The following NALF1 variants were observed in gnomAD, a reference collection of about 807,000 sequenced individuals.
The protein encoded by NALF1 is NALCN channel auxiliary factor 1.
A neutral mutation model predicts 48.4 loss-of-function variants in NALF1; 3 were observed. The ratio of observed to expected loss-of-function variants is 0.06; its 90% CI spans 0.03 to 0.16. The LOEUF (loss-of-function observed/expected upper bound fraction) is 0.16, where lower values mean the gene tolerates loss of function less well. NALF1 is among the 10% of genes least tolerant of loss of function. The pLI is 1.00. For missense variants in NALF1, 526 were observed against 571.5 expected, an observed-to-expected ratio of 0.92 and a Z score of 0.81; for synonymous variants, 262 against 245.7, an observed-to-expected ratio of 1.07 and a Z score of -0.62.
chr13:107,361,317 T>C (rs1883056809), intron 1 of NALF1, among the ~76,000 whole-genome samples: 6 of 152,178 alleles, frequency 3.9e-5, no homozygotes, highest in Admixed American at 3.9e-4. Context: ...GTCCACCGAA[T>C]GAACAAGAAA....
At chr13:107,768,495 A>C (rs926790478) in intron 1 of NALF1, among the ~76,000 whole-genome samples, 1 of 152,212 alleles carries the variant, frequency 6.6e-6, no homozygotes, top group Non-Finnish European at 1.5e-5. Context: ...ATGTGAACTA[A>C]ATCTTGAGAC....
intron 1 of NALF1, among the ~76,000 whole-genome samples, chr13:107,212,524 GA>G (rs1040073454): frequency 6.6e-6 from 1 of 152,204 alleles, no homozygotes; most frequent in Non-Finnish European, 1.5e-5. Flanking sequence ...GCCTCAGGGG[GA>G]CAGGTGAAGG....
chr13:107,719,975 C>G (rs1875935541), intron 1 of NALF1, among the ~76,000 whole-genome samples: 1 of 152,066 alleles, frequency 6.6e-6, no homozygotes. Context: ...TCTCTCTTTG[C>G]TTGGAATGCC....
At chr13:107,304,273 C>A (rs1280532287) in intron 1 of NALF1, among the ~76,000 whole-genome samples, 1 of 151,982 alleles carries the variant, frequency 6.6e-6, no homozygotes, top group Non-Finnish European at 1.5e-5. Context: ...ACATGTAAGT[C>A]CTGGAAATAA....
At chr13:107,808,847 C>A (rs993239344) in intron 1 of NALF1, among the ~76,000 whole-genome samples, 1 of 152,048 alleles carries the variant, frequency 6.6e-6, no homozygotes, top group African/African-American at 2.4e-5. Flanking sequence ...TTGCAATACA[C>A]ATCCAAATCG....
At chr13:107,715,622 G>A (rs1875791277) in intron 1 of NALF1, among the ~76,000 whole-genome samples, 1 of 152,248 alleles carries the variant, frequency 6.6e-6, no homozygotes, top group South Asian at 2.1e-4. Flanking sequence ...CCTGTGGTGT[G>A]AGCTTTGTAG....
At chr13:107,814,026 G>A (rs956478727) in intron 1 of NALF1, among the ~76,000 whole-genome samples, 2 of 152,044 alleles carry the variant, frequency 1.3e-5, no homozygotes, top group African/African-American at 4.8e-5. Flanking sequence ...GGAAACTAGA[G>A]GAGTATTATC....
chr13:107,373,634 A>G (rs1168283909), intron 1 of NALF1, among the ~76,000 whole-genome samples: 1 of 152,230 alleles, frequency 6.6e-6, no homozygotes, highest in Non-Finnish European at 1.5e-5. Flanking sequence ...TCTGATTGCA[A>G]AAGATACTCA....
At chr13:107,262,955 T>C (rs1880963137) in intron 1 of NALF1, among the ~76,000 whole-genome samples, 1 of 152,146 alleles carries the variant, frequency 6.6e-6, no homozygotes, top group Non-Finnish European at 1.5e-5. Context: ...ACAGACTCGT[T>C]GCGTGTATAG....
intron 1 of NALF1, among the ~76,000 whole-genome samples, chr13:107,549,743 G>T (rs936346203): frequency 2.6e-5 from 4 of 151,920 alleles, no homozygotes; most frequent in Admixed American, 6.6e-5. Context: ...ATACTACAAG[G>T]ATCAAAATCA....
chr13:107,707,744 C>G lies in NALF1; in HGVS notation c.915+157938G>C, dbSNP rs533071512. Among the ~76,000 whole-genome samples, 3 of 152,262 alleles carry G rather than the reference C, an allele frequency of 2.0e-5. No individual in the cohort carries two copies. In the South Asian group the frequency reaches 6.2e-4, roughly 32 times the overall value. ...CTATATAGCCTTCATGCTGGGTTAGCTAGCTTTCTGAGAGTTTCTATTAGC... is the reference window on the plus strand; with the variant it reads ...CTATATAGCCTTCATGCTGGGTTAGGTAGCTTTCTGAGAGTTTCTATTAGC... On this transcript the variant is annotated intron_variant, in intron 1 of 2. Transcript: ENST00000375915.
At chr13:107,796,856 A>C (rs918466594) in intron 1 of NALF1, among the ~76,000 whole-genome samples, 4 of 152,210 alleles carry the variant, frequency 2.6e-5, no homozygotes, top group Non-Finnish European at 4.4e-5. Flanking sequence ...AAACTCCTTA[A>C]CAGAGAATAC....
At chr13:107,792,281 G>T (rs554166615) in intron 1 of NALF1, among the ~76,000 whole-genome samples, 1 of 152,006 alleles carries the variant, frequency 6.6e-6, no homozygotes, top group South Asian at 2.1e-4. Flanking sequence ...TTCCAGACAT[G>T]GATTATTTTA....
chr13:107,561,187 GA>G (rs1260829161), intron 1 of NALF1, among the ~76,000 whole-genome samples: 7 of 152,144 alleles, frequency 4.6e-5, no homozygotes, highest in Admixed American at 3.9e-4. Context: ...TTTCATCTAA[GA>G]AACATTTCAT....
chr13:107,403,885 A>G (rs1487912756), intron 1 of NALF1, among the ~76,000 whole-genome samples: 1 of 152,060 alleles, frequency 6.6e-6, no homozygotes, highest in Non-Finnish European at 1.5e-5. Context: ...TGTCCATGGA[A>G]AAGAATAAAA....
At chr13:107,413,307 T>C (rs1566331684) in intron 1 of NALF1, among the ~76,000 whole-genome samples, 1 of 152,194 alleles carries the variant, frequency 6.6e-6, no homozygotes, top group Non-Finnish European at 1.5e-5. Flanking sequence ...TCTAAGTGCA[T>C]GCTATCTGCT....
At chr13:107,541,799 T>A (rs927875840) in intron 1 of NALF1, among the ~76,000 whole-genome samples, 1 of 152,144 alleles carries the variant, frequency 6.6e-6, no homozygotes, top group African/African-American at 2.4e-5. Flanking sequence ...TGATTGAACC[T>A]CTATTCCTCA....
intron 1 of NALF1, among the ~76,000 whole-genome samples, chr13:107,799,583 T>C (rs982720619): frequency 6.6e-6 from 1 of 152,226 alleles, no homozygotes; most frequent in Non-Finnish European, 1.5e-5. Context: ...TTACAAATAA[T>C]TCTTACCTTT....
At chr13:107,742,492 A>C (rs1439983745) in intron 1 of NALF1, among the ~76,000 whole-genome samples, 1 of 152,166 alleles carries the variant, frequency 6.6e-6, no homozygotes, top group African/African-American at 2.4e-5. Flanking sequence ...TTGCTTTATA[A>C]GGGGCTTTCC....
Sources: allele counts gnomAD v4.1 joint callset (sites outside exome capture counted in the v4.1 genomes callset), GRCh38; gene constraint gnomAD v4.1.1; transcripts MANE v1.5; gene names NCBI Gene and HGNC (gene_info 2026-07-23, HGNC 2026-07-21).